ATF7IP2: variants seen among roughly 807,000 people sequenced by gnomAD.
ATF7IP2 encodes the protein activating transcription factor 7 interacting protein 2.
ATF7IP2 carries 42 observed loss-of-function variants against 64.2 expected under a neutral mutation model. That is an observed-to-expected ratio of 0.65 (90% CI 0.51 to 0.85). The LOEUF (loss-of-function observed/expected upper bound fraction) is 0.85, where lower values mean the gene tolerates loss of function less well. ATF7IP2 is among the 40% of genes least tolerant of loss of function. ATF7IP2 has a pLI of 0.00. For synonymous variants in ATF7IP2, 308 were observed against 272.8 expected, an observed-to-expected ratio of 1.13 and a Z score of -1.27; for missense variants, 933 against 784.2, an observed-to-expected ratio of 1.19 and a Z score of -2.27.
rs571254181 is a variant in ATF7IP2, at chr16:10,481,356, G to A, written c.1635+392G>A. On this transcript the variant is annotated intron_variant, in intron 13 of 13. Coordinates refer to ENST00000562102, the MANE Select transcript of ATF7IP2 (RefSeq NM_001393719.1). The stretch of plus-strand genomic sequence containing the variant: ...AGTGAGTCCCCTGCCTCAGCCTCCC[G>A]AGTAGCTGGGATTTCCCGAGTAGCT... Among the ~76,000 whole-genome samples the A allele has an allele frequency of 9.4e-3, 351 of 37,344 alleles. 2 individuals carry two copies. The highest frequency in any genetic ancestry group is 0.025 in the African/African-American group (331 of 13,304). 24.5% of individuals were successfully genotyped at this position (37,344 alleles called of 152,430 possible).
intron 1 of ATF7IP2, among the ~76,000 whole-genome samples, chr16:10,411,533 G>A (rs966346324): frequency 2.0e-5 from 3 of 151,888 alleles, no homozygotes; most frequent in Non-Finnish European, 4.4e-5. Context: ...ACCATTCCTG[G>A]CTGATTTTGT....
chr16:10,437,893 A>G (rs191858957), intron 6 of ATF7IP2, among the ~76,000 whole-genome samples: 2 of 152,360 alleles, frequency 1.3e-5, no homozygotes, highest in African/African-American at 4.8e-5. Context: ...TAACATGTCC[A>G]GTATACTTAA....
chr16:10,442,210 G>C (rs1301683515), intron 8 of ATF7IP2, among the ~76,000 whole-genome samples: 1 of 152,182 alleles, frequency 6.6e-6, no homozygotes, highest in Non-Finnish European at 1.5e-5. Flanking sequence ...GGCAGGAAAG[G>C]TTACTTATAA....
rs142744663 is a variant in ATF7IP2, at chr16:10,467,713, T to G, written c.1353-4397T>G. Among the ~76,000 whole-genome samples the G allele has an allele frequency of 2.4e-3, 359 of 150,642 alleles. 1 individual carries two copies. The highest frequency in any genetic ancestry group is 8.4e-3 in the African/African-American group (342 of 40,910). ...TCCTGAGTAGAGCTCCCACCACACC[T>G]GGTAATGTTTTGTATTTTTAGCAGA... On this transcript the variant is annotated intron_variant, in intron 9 of 13. Transcript: ENST00000562102.
chr16:10,394,536 T>G (rs751736509), intron 1 of ATF7IP2, among the ~76,000 whole-genome samples: 2 of 152,150 alleles, frequency 1.3e-5, no homozygotes, highest in Non-Finnish European at 2.9e-5. Flanking sequence ...ACTTAAGAGA[T>G]ATCTTTGAAC....
chr16:10,422,972 C>A (rs973055556), intron 3 of ATF7IP2, among the ~76,000 whole-genome samples: 6 of 152,200 alleles, frequency 3.9e-5, no homozygotes, highest in African/African-American at 1.4e-4. Flanking sequence ...AGGCCAGGTG[C>A]AGTGGCTCAC....
At chr16:10,419,854 C>T (rs1232300601) in intron 3 of ATF7IP2, among the ~76,000 whole-genome samples, 1 of 152,224 alleles carries the variant, frequency 6.6e-6, no homozygotes, top group Non-Finnish European at 1.5e-5. Context: ...TTACCTGTTT[C>T]CCAATTTTTG....
chr16:10,455,224 A>T (rs962580179), intron 8 of ATF7IP2, among the ~76,000 whole-genome samples: 21 of 152,176 alleles, frequency 1.4e-4, no homozygotes, highest in African/African-American at 4.8e-4. Context: ...CCTTGAGATG[A>T]TGGGTAGTTA....
At chr16:10,464,313 G>T (rs889209701) in intron 9 of ATF7IP2, among the ~76,000 whole-genome samples, 1 of 152,038 alleles carries the variant, frequency 6.6e-6, no homozygotes, top group African/African-American at 2.4e-5. Flanking sequence ...GAAATATATT[G>T]TTCCCTGTTG....
intron 1 of ATF7IP2, among the ~76,000 whole-genome samples, chr16:10,398,128 A>T (rs1230909140): frequency 6.6e-6 from 1 of 151,800 alleles, no homozygotes; most frequent in African/African-American, 2.4e-5. Context: ...AGATGGCGAA[A>T]CCCCATCTCT....
chr16:10,453,589 A>G (rs2049060239), intron 8 of ATF7IP2, among the ~76,000 whole-genome samples: 1 of 152,174 alleles, frequency 6.6e-6, no homozygotes, highest in African/African-American at 2.4e-5. Flanking sequence ...CAGCACTTAG[A>G]TTCTGAAAAC....
intron 8 of ATF7IP2, chr16:10,449,642 A>T (rs2048921143): frequency 6.6e-6 from 1 of 152,136 alleles, no homozygotes; most frequent in African/African-American, 2.4e-5. Context: ...CTGTGGGATC[A>T]GTGGTGATAT....
intron 8 of ATF7IP2, chr16:10,446,026 A>T (rs1222804730): frequency 2.0e-5 from 3 of 152,236 alleles, no homozygotes; most frequent in Non-Finnish European, 4.4e-5. Flanking sequence ...ATTATTGGGC[A>T]GTCTTCCTGA....
chr16:10,446,986 C>G (rs1314882211), intron 8 of ATF7IP2: 1 of 152,150 alleles, frequency 6.6e-6, no homozygotes, highest in African/African-American at 2.4e-5. Context: ...TTTGCTTCGT[C>G]TTCTCTGGCT....
chr16:10,429,459 G>A (rs1034662226), intron 4 of ATF7IP2, among the ~76,000 whole-genome samples: 1 of 152,000 alleles, frequency 6.6e-6, no homozygotes, highest in Non-Finnish European at 1.5e-5. Flanking sequence ...CAAGTGATTC[G>A]CTTGCCTCGG....
chr16:10,403,049 C>T (rs904367184), intron 1 of ATF7IP2, among the ~76,000 whole-genome samples: 3 of 151,992 alleles, frequency 2.0e-5, no homozygotes, highest in African/African-American at 7.3e-5. Flanking sequence ...AATTTCAGTC[C>T]AATATTTGAT....
intron 5 of ATF7IP2, 29 bp downstream of exon 5, chr16:10,431,484 AAAATT>A (rs1424063541): frequency 2.1e-6 from 3 of 1,412,736 alleles, no homozygotes; most frequent in South Asian, 2.8e-5. Flanking sequence ...ACCTTTTAGA[AAAATT>A]AAAATAGTCA....
chr16:10,412,150 AT>A lies in ATF7IP2; in HGVS notation c.-241-2413del, dbSNP rs143498444. ...TTAACTCATCTCATTTATCTTTTGTATTTTTTTTTTTGTTTCAATTTCATTT... is the reference window on the plus strand; with the variant it reads ...TTAACTCATCTCATTTATCTTTTGTATTTTTTTTTTGTTTCAATTTCATTT... On this transcript the variant is annotated intron_variant, in intron 1 of 13. Coordinates refer to ENST00000562102, the MANE Select transcript of ATF7IP2 (RefSeq NM_001393719.1). Among the ~76,000 whole-genome samples the A allele has an allele frequency of 5.6e-3, 676 of 121,122 alleles. 4 individuals carry two copies. The highest frequency in any genetic ancestry group is 0.014 in the African/African-American group (456 of 33,216). 79.5% of individuals were successfully genotyped at this position (121,122 alleles called of 152,430 possible). A position where few individuals can be genotyped will look rare whatever the true frequency, so the allele number is the denominator to read the frequency against.
chr16:10,412,976 CTACTCCTGCTTGCTTTTGA>C (rs1222462374), intron 1 of ATF7IP2, among the ~76,000 whole-genome samples: 1 of 152,110 alleles, frequency 6.6e-6, no homozygotes, highest in Non-Finnish European at 1.5e-5. Context: ...ATAAGAATAG[CTACTCCTGCTTGCTTTTGA>C]TATTCATTTG....
Sources: allele counts gnomAD v4.1 joint callset (sites outside exome capture counted in the v4.1 genomes callset), GRCh38; gene constraint gnomAD v4.1.1; transcripts MANE v1.5; gene names NCBI Gene and HGNC (gene_info 2026-07-23, HGNC 2026-07-21).